The following CD80 variants were observed in gnomAD, a reference collection of about 807,000 sequenced individuals.
CD80 encodes the protein CD80 molecule, also known as T-lymphocyte activation antigen CD80.
CD80 carries 13 observed loss-of-function variants against 27.1 expected under a neutral mutation model. That is an observed-to-expected ratio of 0.48 (90% CI 0.31 to 0.76). The LOEUF (loss-of-function observed/expected upper bound fraction) is 0.76, where lower values mean the gene tolerates loss of function less well. Ranked by LOEUF, CD80 falls within the 30% of genes least tolerant of loss-of-function variation. CD80 has a pLI of 0.04. For synonymous variants in CD80, 125 were observed against 125.5 expected (o/e 1.00, Z 0.03); for missense variants, 277 against 347.9 (o/e 0.80, Z 1.62).
Position 119,557,717 on chromosome 3 carries a change from T to G in CD80, c.12A>C (p.Thr4=). Residue 4 remains threonine, a synonymous_variant, in exon 2 of 7, where the codon ACA becomes ACC. Coordinates refer to ENST00000264246, the MANE Select transcript of CD80 (RefSeq NM_005191.4). Reference sequence around the variant, plus strand: ...TGGATGGTGATGTTCCCTGCCTCCGTGTGTGGCCCATGGCTTCAGATGCTT... The same window carrying G: ...TGGATGGTGATGTTCCCTGCCTCCGGGTGTGGCCCATGGCTTCAGATGCTT... The part of the protein sequence containing the change: MGH[T]RRQGTSPSKC... The G allele has an allele frequency of 6.2e-7, 1 of 1,612,418 alleles. No individual in the cohort carries two copies. Among genetic ancestry groups the G allele is most frequent in the Non-Finnish European group, 8.5e-7 (1 of 1,178,992 alleles).
chr3:119,530,325 C>T (rs538026402), intron 4 of CD80, among the ~76,000 whole-genome samples: 3 of 152,192 alleles, frequency 2.0e-5, no homozygotes, highest in Non-Finnish European at 2.9e-5. Flanking sequence ...CTAGCTCTGT[C>T]GTGCCTTCTC....
intron 2 of CD80, among the ~76,000 whole-genome samples, chr3:119,552,403 C>G (rs1001260669): frequency 2.0e-5 from 3 of 150,828 alleles, no homozygotes; most frequent in Non-Finnish European, 4.4e-5. Flanking sequence ...GTCCCAGCTA[C>G]TCGGGAGGCT....
intron 1 of CD80, among the ~76,000 whole-genome samples, 165 bp downstream of exon 1, chr3:119,559,275 G>C (rs1577115564): frequency 6.6e-6 from 1 of 152,152 alleles, no homozygotes; most frequent in South Asian, 2.1e-4. Flanking sequence ...AATATGTCGG[G>C]AAGCCACAGC....
At chr3:119,549,514 A>AGGGACTT (rs2082219885) in intron 2 of CD80, among the ~76,000 whole-genome samples, 2 of 152,166 alleles carry the variant, frequency 1.3e-5, no homozygotes, top group Non-Finnish European at 2.9e-5. Flanking sequence ...CCCTGGAGCC[A>AGGGACTT]CACAGATCCC....
At chr3:119,546,816 A>C (rs1029958162) in intron 2 of CD80, among the ~76,000 whole-genome samples, 1 of 57,344 alleles carries the variant, frequency 1.7e-5, no homozygotes, top group African/African-American at 5.6e-5. Context: ...TGATGCAACA[A>C]CACACACACA....
intron 3 of CD80, among the ~76,000 whole-genome samples, chr3:119,543,642 G>A (rs948029397): frequency 1.1e-4 from 16 of 151,898 alleles, no homozygotes; most frequent in Admixed American, 2.0e-4. Context: ...GTTTCACCAT[G>A]TTGGGCAGGC....
Position 119,524,852 on chromosome 3 carries a change from A to G in CD80, c.*936T>C, listed in dbSNP as rs748440017. The G allele has an allele frequency of 6.6e-6, 1 of 152,216 alleles. No homozygotes were observed. The highest frequency in any genetic ancestry group is 1.5e-5 in the Non-Finnish European group (1 of 68,034). The allele number at this position is 152,216 out of a possible 1,614,324, so 9.4% of individuals were successfully genotyped here. A position where few individuals can be genotyped will look rare whatever the true frequency, so the allele number is the denominator to read the frequency against. On this transcript the variant is annotated 3_prime_UTR_variant, in exon 7 of 7. Coordinates refer to ENST00000264246, the MANE Select transcript of CD80 (RefSeq NM_005191.4). ...GGAGAAAAAGCCATCTTAGGGATCT[A>G]AGGAGGCCCTATGGAAAGTTACTAC...
intron 4 of CD80, among the ~76,000 whole-genome samples, chr3:119,535,458 C>G (rs1436992677): frequency 6.6e-6 from 1 of 152,072 alleles, no homozygotes; most frequent in Non-Finnish European, 1.5e-5. Flanking sequence ...ACCTGTGGTC[C>G]TCTGTATGAT....
At chr3:119,534,978 G>A (rs1478344779) in intron 4 of CD80, among the ~76,000 whole-genome samples, 1 of 152,090 alleles carries the variant, frequency 6.6e-6, no homozygotes, top group African/African-American at 2.4e-5. Context: ...GATCACCTAA[G>A]GTCGAGAGTT....
At chr3:119,555,190 C>T (rs964337759) in intron 2 of CD80, among the ~76,000 whole-genome samples, 13 of 152,146 alleles carry the variant, frequency 8.5e-5, no homozygotes, top group African/African-American at 2.2e-4. Context: ...TCACAGCTTC[C>T]GCCACTGTCT....
At chr3:119,555,064 C>T (rs1307868614) in intron 2 of CD80, among the ~76,000 whole-genome samples, 3 of 152,192 alleles carry the variant, frequency 2.0e-5, no homozygotes, top group Non-Finnish European at 4.4e-5. Flanking sequence ...TCTCAGGCCC[C>T]ATCCCAGACC....
intron 2 of CD80, among the ~76,000 whole-genome samples, chr3:119,554,738 A>T (rs941197046): frequency 2.0e-5 from 3 of 151,718 alleles, no homozygotes; most frequent in Admixed American, 1.3e-4. Context: ...ACTGAATCTC[A>T]CCTCCCACAG....
chr3:119,532,834 T>G (rs1212788555), intron 4 of CD80, among the ~76,000 whole-genome samples: 1 of 152,228 alleles, frequency 6.6e-6, no homozygotes, highest in Non-Finnish European at 1.5e-5. Flanking sequence ...CCGGTCTCTT[T>G]GCCTCAGGTT....
At chr3:119,553,826 G>A (rs893756755) in intron 2 of CD80, among the ~76,000 whole-genome samples, 43 of 152,252 alleles carry the variant, frequency 2.8e-4, no homozygotes, top group African/African-American at 9.9e-4. Context: ...ATAGAAAAGC[G>A]TGAAAGTCAC....
At chr3:119,527,693 C>G in intron 6 of CD80, 40 bp downstream of exon 6, 6 of 1,220,532 alleles carry the variant, frequency 4.9e-6, no homozygotes, top group Non-Finnish European at 7.2e-6. Flanking sequence ...CCTCATGATC[C>G]CCACGATCCA....
At chr3:119,559,285 C>T (rs181998880) in intron 1 of CD80, among the ~76,000 whole-genome samples, 155 bp downstream of exon 1, 5 of 152,264 alleles carry the variant, frequency 3.3e-5, no homozygotes, top group Non-Finnish European at 7.4e-5. Flanking sequence ...GAAGCCACAG[C>T]CTCCTGTGGG....
At chr3:119,552,311 C>T (rs1414306773) in intron 2 of CD80, among the ~76,000 whole-genome samples, 1 of 151,600 alleles carries the variant, frequency 6.6e-6, no homozygotes, top group Non-Finnish European at 1.5e-5. Flanking sequence ...GAAACCCCGT[C>T]TCTACTAAAA....
Position 119,527,831 on chromosome 3 carries a change from T to C in CD80, c.807A>G (p.Pro269=). 1.2e-6 allele frequency: 2 copies of C among 1,613,754 alleles called. No individual in the cohort carries two copies. The highest frequency in any genetic ancestry group is 1.7e-6 in the Non-Finnish European group (2 of 1,179,674). Residue 269 remains proline, a synonymous_variant, in exon 6 of 7, where the codon CCA becomes CCG. Coordinates refer to ENST00000264246, the MANE Select transcript of CD80 (RefSeq NM_005191.4). Reference sequence around the variant, plus strand: ...CATTCCTCCTTCTCTCTCTGCATCTTGGGGCAAAGCCTTGGAGACAAGAAC... The same window carrying C: ...CATTCCTCCTTCTCTCTCTGCATCTCGGGGCAAAGCCTTGGAGACAAGAAC... ...VICCLTYCFA[P]RCRERRRNER...
chr3:119,542,201 T>C (rs867595650), intron 3 of CD80, among the ~76,000 whole-genome samples: 3 of 151,866 alleles, frequency 2.0e-5, no homozygotes, highest in Non-Finnish European at 2.9e-5. Context: ...GGTAGGCTTC[T>C]TAGTACCCCT....
Sources: allele counts gnomAD v4.1 joint callset (sites outside exome capture counted in the v4.1 genomes callset), GRCh38; gene constraint gnomAD v4.1.1; transcripts MANE v1.5; gene names NCBI Gene and HGNC (gene_info 2026-07-23, HGNC 2026-07-21).